ALMS1: variants seen among roughly 807,000 people sequenced by gnomAD.
ALMS1 encodes ALMS1 centrosome and basal body associated protein.
ALMS1 carries 271 observed loss-of-function variants against 352.2 expected under a neutral mutation model. That is an observed-to-expected ratio of 0.77 (90% CI 0.70 to 0.85). The LOEUF is 0.85. Ranked by LOEUF, ALMS1 falls within the 40% of genes least tolerant of loss-of-function variation. The pLI is 0.00. For synonymous variants in ALMS1, 1,865 were observed against 1,761.2 expected (o/e 1.06, Z -1.48); for missense variants, 5,445 against 4,870.7 (o/e 1.12, Z -3.51).
intron 16 of ALMS1, among the ~76,000 whole-genome samples, chr2:73,585,891 G>A (rs1489908229): frequency 6.6e-6 from 1 of 151,948 alleles, no homozygotes; most frequent in Non-Finnish European, 1.5e-5. Context: ...ACCACGCCTG[G>A]CCAATTTTTT....
At chr2:73,595,695 A>T (rs1195667997) in intron 16 of ALMS1, among the ~76,000 whole-genome samples, 1 of 152,194 alleles carries the variant, frequency 6.6e-6, no homozygotes, top group Admixed American at 6.5e-5. Context: ...GTTTAACTTT[A>T]TCAGAAATTG....
At chr2:73,594,122 T>C (rs1205740842) in intron 16 of ALMS1, among the ~76,000 whole-genome samples, 1 of 152,244 alleles carries the variant, frequency 6.6e-6, no homozygotes, top group Non-Finnish European at 1.5e-5. Context: ...ATGACAACTC[T>C]ATGTTTAACC....
At chr2:73,409,982 T>C (rs925817401) in intron 2 of ALMS1, among the ~76,000 whole-genome samples, 2 of 152,194 alleles carry the variant, frequency 1.3e-5, no homozygotes, top group Admixed American at 6.5e-5. Context: ...CATTCTCTCT[T>C]GCTCAGCCTT....
intron 16 of ALMS1, among the ~76,000 whole-genome samples, chr2:73,588,427 A>G (rs1267286307): frequency 1.3e-5 from 2 of 151,432 alleles, no homozygotes; most frequent in African/African-American, 2.4e-5. Context: ...GTGTGTCTCT[A>G]TTCTTCTTCT....
intron 7 of ALMS1, among the ~76,000 whole-genome samples, chr2:73,447,361 C>A (rs367812930): frequency 6.6e-6 from 1 of 152,088 alleles, no homozygotes; most frequent in Non-Finnish European, 1.5e-5. Flanking sequence ...TAAAACTCTT[C>A]AGAGTAACCT....
chr2:73,405,203 T>C (rs965496939), intron 1 of ALMS1, among the ~76,000 whole-genome samples: 6 of 152,090 alleles, frequency 3.9e-5, no homozygotes, highest in Non-Finnish European at 7.4e-5. Context: ...TGTGAGCCAC[T>C]GCGCCTGGCC....
intron 10 of ALMS1, among the ~76,000 whole-genome samples, chr2:73,492,554 C>T (rs564766783): frequency 3.3e-5 from 5 of 152,230 alleles, no homozygotes; most frequent in African/African-American, 1.2e-4. Context: ...ACACTTCCAA[C>T]CATGATGCTG....
intron 4 of ALMS1, 97 bp downstream of exon 4, chr2:73,423,071 G>A: frequency 9.4e-7 from 1 of 1,063,824 alleles, no homozygotes. Flanking sequence ...TTGAGGTGGG[G>A]CTTAGATACT....
At chr2:73,600,071 G>A (rs1222971770) in intron 17 of ALMS1, among the ~76,000 whole-genome samples, 1 of 152,134 alleles carries the variant, frequency 6.6e-6, no homozygotes, top group Non-Finnish European at 1.5e-5. Flanking sequence ...TTGATTTTAA[G>A]AAAAGGTACA....
chr2:73,487,225 C>T (rs142197103), intron 9 of ALMS1, among the ~76,000 whole-genome samples: 229 of 152,296 alleles, frequency 1.5e-3, no homozygotes, highest in Non-Finnish European at 2.7e-3. Flanking sequence ...TATGCTATGT[C>T]TTACACCTGC....
chr2:73,547,199 TGGTAGGTTA>T (rs1186178379), intron 12 of ALMS1, among the ~76,000 whole-genome samples: 1 of 152,178 alleles, frequency 6.6e-6, no homozygotes, highest in Admixed American at 6.5e-5. Flanking sequence ...TTATGATGCT[TGGTAGGTTA>T]GGGGCATTAA....
rs1326294265 is a variant in ALMS1, at chr2:73,484,141, A to G, written c.7675-5493A>G. On this transcript the variant is annotated intron_variant, in intron 9 of 22. Transcript: ENST00000613296. ...ATGATGTTAGCTGGTTATTTTGCTC[A>G]TTAGTTGATGCAGTTTCTTCCTAGT... 2.6e-5 allele frequency among the ~76,000 whole-genome samples: 4 copies of G among 151,508 alleles called. 1 individual carries two copies. Among genetic ancestry groups the G allele is most frequent in the African/African-American group, 9.8e-5 (4 of 41,014 alleles).
chr2:73,574,790 T>C (rs1675018844), intron 16 of ALMS1, among the ~76,000 whole-genome samples: 2 of 152,134 alleles, frequency 1.3e-5, no homozygotes, highest in Non-Finnish European at 2.9e-5. Context: ...GTTTACAGTT[T>C]TGATCATTTT....
At chr2:73,401,960 A>G (rs1190804356) in intron 1 of ALMS1, among the ~76,000 whole-genome samples, 1 of 152,102 alleles carries the variant, frequency 6.6e-6, no homozygotes, top group East Asian at 1.9e-4. Context: ...GACAAATGGC[A>G]GGATCACCTT....
In ALMS1 at chr2:73,601,314, AG is replaced by A; in HGVS notation, c.11995del (p.Glu3999SerfsTer31). 6.2e-7 allele frequency: 1 copy of A among 1,614,200 alleles called. No homozygotes were observed. The highest frequency in any genetic ancestry group is 8.5e-7 in the Non-Finnish European group (1 of 1,180,030). On this transcript the variant is annotated frameshift_variant, in exon 19 of 23. Transcript: ENST00000613296. LOFTEE classifies it high-confidence loss of function. ...ACCAATAACCAAGACCAGACCCTGG[AG>A]GGAGCCACTGCGGGAGCAGAACTGT... Reference protein sequence around the residue: ...FEPITKTRPWREPLREQNCQG... With the variant: ...FEPITKTRPWXEPLREQNCQG...
intron 3 of ALMS1, among the ~76,000 whole-genome samples, chr2:73,420,945 G>A (rs988029844): frequency 2.0e-5 from 3 of 152,166 alleles, no homozygotes; most frequent in Admixed American, 1.3e-4. Context: ...GCCAGTAACA[G>A]ATATCCACAC....
chr2:73,462,604 C>T (rs1377997413), intron 9 of ALMS1, among the ~76,000 whole-genome samples: 1 of 152,154 alleles, frequency 6.6e-6, no homozygotes. Flanking sequence ...TCACACATAA[C>T]AATATTAACT....
chr2:73,426,480 A>G lies in ALMS1; in HGVS notation c.1265A>G (p.Asp422Gly). 1 of 1,614,140 alleles carries G rather than the reference A, an allele frequency of 6.2e-7. No individual in the cohort carries two copies. The highest frequency in any genetic ancestry group is 8.5e-7 in the Non-Finnish European group (1 of 1,179,956). The part of the protein sequence containing the change: ...TKGLQGKVES[D>G]VITLDGLNEN... ...GGCCTGCAGGGGAAGGTTGAGTCTG[A>G]CGTCATTACTCTGGATGGCCTAAAT... The change falls in exon 6 of 23, where the codon GAC (aspartate) becomes GGC (glycine). Residue 422 changes from aspartate to glycine, a missense_variant. Coordinates refer to ENST00000613296, the MANE Select transcript of ALMS1 (RefSeq NM_001378454.1).
intron 1 of ALMS1, among the ~76,000 whole-genome samples, chr2:73,407,342 C>T (rs975492462): frequency 5.9e-5 from 9 of 152,280 alleles, no homozygotes; most frequent in Middle Eastern, 3.4e-3. Flanking sequence ...CCAGTCACCT[C>T]TGAAAGGTTC....
Sources: allele counts gnomAD v4.1 joint callset (sites outside exome capture counted in the v4.1 genomes callset), GRCh38; gene constraint gnomAD v4.1.1; transcripts MANE v1.5; gene names NCBI Gene and HGNC (gene_info 2026-07-23, HGNC 2026-07-21).